The following TMEM217 variants were observed in gnomAD, a reference collection of about 807,000 sequenced individuals.
The protein encoded by TMEM217 is transmembrane protein 217.
For synonymous variants in TMEM217, 76 were observed against 88.3 expected, an observed-to-expected ratio of 0.86 and a Z score of 0.78; for missense variants, 204 against 248.8, an observed-to-expected ratio of 0.82 and a Z score of 1.21.
At chr6:37,252,085 G>A (rs1194061815) in intron 1 of TMEM217, among the ~76,000 whole-genome samples, 1 of 152,136 alleles carries the variant, frequency 6.6e-6, no homozygotes, top group African/African-American at 2.4e-5. Context: ...TAGAGCCAGG[G>A]TTTCTCCATG....
chr6:37,242,572 C>T (rs1732895307), intron 1 of TMEM217, among the ~76,000 whole-genome samples: 1 of 152,154 alleles, frequency 6.6e-6, no homozygotes. Flanking sequence ...GGAAACCAGC[C>T]CCAGCTTGGA....
At chr6:37,212,256 A>T (rs1455815584) in exon 4 of TMEM217, 4 of 345,544 alleles carry the variant, frequency 1.2e-5, no homozygotes, top group Non-Finnish European at 1.7e-5. Context: ...AAAATAATTG[A>T]TCCGCACAAC....
chr6:37,221,794 T>C (rs527722672), intron 1 of TMEM217, among the ~76,000 whole-genome samples: 1 of 152,254 alleles, frequency 6.6e-6, no homozygotes, highest in Non-Finnish European at 1.5e-5. Flanking sequence ...AAGATGAAGA[T>C]GAGCTTTAAG....
chr6:37,222,148 G>A (rs780428771), intron 1 of TMEM217, among the ~76,000 whole-genome samples: 1 of 152,250 alleles, frequency 6.6e-6, no homozygotes, highest in Non-Finnish European at 1.5e-5. Context: ...GGAAGTGCAC[G>A]CAGATTGGTA....
chr6:37,233,171 TG>T (rs1764299327), intron 1 of TMEM217, among the ~76,000 whole-genome samples: 2 of 151,690 alleles, frequency 1.3e-5, no homozygotes, highest in African/African-American at 4.8e-5. Flanking sequence ...ACTGTTTCTC[TG>T]GTCTTTCTTA....
chr6:37,228,890 A>T (rs1279369878), intron 1 of TMEM217, among the ~76,000 whole-genome samples: 1 of 136,210 alleles, frequency 7.3e-6, no homozygotes, highest in Admixed American at 7.3e-5. Context: ...CCAGCTACTC[A>T]GGAGGCCGAG....
intron 1 of TMEM217, among the ~76,000 whole-genome samples, chr6:37,241,970 C>T (rs1251880934): frequency 6.6e-6 from 1 of 151,544 alleles, no homozygotes; most frequent in African/African-American, 2.4e-5. Flanking sequence ...TCTGTTTTGG[C>T]CTGCTTCCTC....
chr6:37,247,049 C>T (rs1212615130), intron 1 of TMEM217, among the ~76,000 whole-genome samples: 3 of 152,128 alleles, frequency 2.0e-5, no homozygotes, highest in Non-Finnish European at 4.4e-5. Context: ...GGTCCTTCTA[C>T]AATGCAGATC....
chr6:37,231,155 G>A (rs189610014), intron 1 of TMEM217, among the ~76,000 whole-genome samples: 31 of 151,680 alleles, frequency 2.0e-4, no homozygotes, highest in African/African-American at 7.2e-4. Context: ...CACCTCCCGG[G>A]TTCAAGCGAT....
chr6:37,229,498 A>G (rs1583455126), intron 1 of TMEM217, among the ~76,000 whole-genome samples: 1 of 151,410 alleles, frequency 6.6e-6, no homozygotes, highest in East Asian at 1.9e-4. Context: ...GCCCGCCACC[A>G]CGCCCGGCTA....
chr6:37,235,798 G>A (rs1445505515), intron 1 of TMEM217, among the ~76,000 whole-genome samples: 2 of 152,148 alleles, frequency 1.3e-5, no homozygotes, highest in African/African-American at 4.8e-5. Flanking sequence ...GAAAGTAGAA[G>A]GGCAAGGGGA....
chr6:37,229,631 C>T lies in TMEM217; in HGVS notation c.-11-10590G>A, dbSNP rs938126311. 4.6e-5 allele frequency among the ~76,000 whole-genome samples: 7 copies of T among 152,210 alleles called. No homozygotes were observed. In the East Asian group the frequency reaches 7.7e-4, roughly 17 times the overall value. On this transcript the variant is annotated intron_variant, in intron 1 of 1. Transcript: ENST00000357219. The stretch of plus-strand genomic sequence containing the variant: ...TGCTGGGATTACAGGCGTGAGCCAC[C>T]GCGCCGGCCAATGTGCAACTTTCAG...
At chr6:37,250,382 A>G (rs957916156) in intron 1 of TMEM217, among the ~76,000 whole-genome samples, 23 of 152,190 alleles carry the variant, frequency 1.5e-4, no homozygotes, top group African/African-American at 5.5e-4. Flanking sequence ...CAAACTGTGC[A>G]TATTAGTTTT....
chr6:37,214,667 A>G (rs1206384200), downstream of TMEM217, among the ~76,000 whole-genome samples: 1 of 152,248 alleles, frequency 6.6e-6, no homozygotes, highest in Non-Finnish European at 1.5e-5. Flanking sequence ...GGTGTCTCAC[A>G]TAAGTGGAAT....
Position 37,229,348 on chromosome 6 carries a change from T to TTTTTG in TMEM217, c.-11-10308_-11-10307insCAAAA, listed in dbSNP as rs1554170998. 3.9e-5 allele frequency among the ~76,000 whole-genome samples: 5 copies of TTTTTG among 129,520 alleles called. 1 individual carries two copies. Among genetic ancestry groups the TTTTTG allele is most frequent in the South Asian group, 2.7e-4 (1 of 3,716 alleles). 85.0% of individuals were successfully genotyped at this position (129,520 alleles called of 152,430 possible). ...TAGCAACTTTCAGTTTTTTTTTTTT[T>TTTTTG]TTTTTTTTTTTTGAGACAGTGTCTC... is the stretch of plus-strand genomic sequence containing the variant. On this transcript the variant is annotated intron_variant, in intron 1 of 1. Transcript: ENST00000357219.
intron 1 of TMEM217, among the ~76,000 whole-genome samples, chr6:37,254,002 G>T (rs116034688): frequency 6.6e-6 from 1 of 152,126 alleles, no homozygotes; most frequent in Non-Finnish European, 1.5e-5. Flanking sequence ...AGTTGAGGGG[G>T]GGAAAGTAAA....
chr6:37,252,184 C>T (rs1036131938), intron 1 of TMEM217, among the ~76,000 whole-genome samples: 30 of 152,196 alleles, frequency 2.0e-4, no homozygotes, highest in Non-Finnish European at 2.4e-4. Context: ...TGAGCCACTG[C>T]GCCTGGCCTG....
chr6:37,223,720 G>T (rs1224195274), intron 1 of TMEM217, among the ~76,000 whole-genome samples: 1 of 152,068 alleles, frequency 6.6e-6, no homozygotes, highest in Non-Finnish European at 1.5e-5. Flanking sequence ...TGTTGGTCAG[G>T]CTGCTCTCAA....
chr6:37,219,138 A>C, intron 1 of TMEM217, 97 bp from the exon 2 acceptor site: 2 of 1,099,898 alleles, frequency 1.8e-6, no homozygotes, highest in Non-Finnish European at 2.6e-6. Context: ...CTTTGGAGAA[A>C]TATAGACAGA....
Sources: gnomAD v4.1 joint callset for allele counts (sites outside exome capture counted in the v4.1 genomes callset) on GRCh38, gnomAD v4.1.1 for gene constraint, MANE v1.5 for transcripts, NCBI Gene and HGNC (gene_info 2026-07-23, HGNC 2026-07-21) for gene names.